PDE12: variants seen among roughly 807,000 people sequenced by gnomAD.
PDE12 encodes phosphodiesterase 12.
PDE12 carries 26 observed loss-of-function variants against 45.4 expected under a neutral mutation model. The observed-to-expected ratio is 0.57, with a 90% CI of 0.42 to 0.79. The LOEUF (loss-of-function observed/expected upper bound fraction) is 0.79. Among genes scored for constraint, PDE12 ranks in the 30% least tolerant of loss-of-function variants. The pLI is 0.00. For missense variants in PDE12, 668 were observed against 790.0 expected (o/e 0.85, Z 1.85); for synonymous variants, 283 against 323.9 (o/e 0.87, Z 1.36).
chr3:57,581,884 G>T, the PDE12 span, among the ~76,000 whole-genome samples: 1 of 152,180 alleles, frequency 6.6e-6, no homozygotes, highest in Non-Finnish European at 1.5e-5. Flanking sequence ...AACTGAAGCT[G>T]CATAATACAT....
chr3:57,635,316 G>C, the PDE12 span, among the ~76,000 whole-genome samples: 2 of 152,132 alleles, frequency 1.3e-5, no homozygotes, highest in Admixed American at 6.6e-5. Context: ...CCACAGGTCT[G>C]AGCCACAGAT....
At chr3:57,569,089 C>G (rs1010635137), downstream of PDE12, among the ~76,000 whole-genome samples, 3 of 152,090 alleles carry the variant, frequency 2.0e-5, no homozygotes, top group African/African-American at 7.2e-5. Context: ...GCTTGACCAA[C>G]AGTAGGTTTA....
chr3:57,604,620 G>GT, the PDE12 span, among the ~76,000 whole-genome samples: 2 of 37,098 alleles, frequency 5.4e-5, no homozygotes, highest in Non-Finnish European at 1.3e-4. Context: ...TTTTTTTTGG[G>GT]GGGGGTGGGT....
In PDE12 at chr3:57,565,822, T is replaced by C. The variant is rs1034026357; in HGVS notation, c.*5818T>C. 1 of 152,004 alleles carries C rather than the reference T, an allele frequency of 6.6e-6. No individual in the cohort carries two copies. Among genetic ancestry groups the C allele is most frequent in the Non-Finnish European group, 1.5e-5 (1 of 67,992 alleles). The allele number at this position is 152,004 out of a possible 1,614,324, so 9.4% of individuals were successfully genotyped here. ...GTCTCAAAAATAAAATAAAATAAAATTTTAAAAAAAGGATTTATTGCATAT... is the reference window on the plus strand; with the variant it reads ...GTCTCAAAAATAAAATAAAATAAAACTTTAAAAAAAGGATTTATTGCATAT... On this transcript the variant is annotated 3_prime_UTR_variant, in exon 3 of 3. Transcript: ENST00000311180.
downstream of PDE12, among the ~76,000 whole-genome samples, chr3:57,569,075 T>C (rs1217699053): frequency 2.0e-5 from 3 of 152,184 alleles, no homozygotes; most frequent in Non-Finnish European, 4.4e-5. Context: ...AGAGAACTCT[T>C]ATTGCTTGAC....
At chr3:57,646,414 A>G in the PDE12 span, 1 of 1,613,818 alleles carries the variant, frequency 6.2e-7, no homozygotes, top group South Asian at 1.1e-5. Context: ...GCATCTGACT[A>G]TGAAGGAAAA....
chr3:57,557,440 G>A lies in PDE12; in HGVS notation c.1061G>A (p.Arg354His), dbSNP rs139741249. 3 of 1,614,022 alleles carry A rather than the reference G, an allele frequency of 1.9e-6. No homozygotes were observed. The highest frequency in any genetic ancestry group is 3.3e-5 in the Admixed American group (2 of 59,994). The change falls in exon 1 of 3, where the codon CGC becomes CAC. Residue 354 changes from arginine to histidine, a missense_variant. Transcript: ENST00000311180. ...GTCATCTGTTTGCAGGAGGTTGACC[G>A]CGCAGTGTTTTCTGACAGCTTGGTA... ...ADVICLQEVD[R>H]AVFSDSLVPA...
At chr3:57,630,663 G>C in the PDE12 span, 1 of 1,565,676 alleles carries the variant, frequency 6.4e-7, no homozygotes, top group South Asian at 1.2e-5. Context: ...TTTTTGTTTT[G>C]CTTTTAAATA....
the PDE12 span, among the ~76,000 whole-genome samples, chr3:57,624,271 C>T: frequency 2.0e-5 from 3 of 152,016 alleles, no homozygotes; most frequent in African/African-American, 7.2e-5. Context: ...CTGCCTCAGC[C>T]TCCCCAGTAG....
At chr3:57,570,928 T>TA (rs1427116957), downstream of PDE12, among the ~76,000 whole-genome samples, 1 of 152,174 alleles carries the variant, frequency 6.6e-6, no homozygotes, top group Non-Finnish European at 1.5e-5. Context: ...TACAGCCTTT[T>TA]ACTCTCCCTA....
At position 57,559,815 on chromosome 3, in the gene PDE12, T is replaced by A. The variant is rs773274716; in HGVS notation, c.1641T>A (p.Pro547=). ...FFKLKSACGE[P]AYTNYVGGFH... ...AGCTGAAAAGTGCTTGTGGTGAACCTGCTTACACAAATTATGTTGGTGGCT... is the reference window on the plus strand; with the variant it reads ...AGCTGAAAAGTGCTTGTGGTGAACCAGCTTACACAAATTATGTTGGTGGCT... The change falls in exon 3 of 3, where the codon CCT becomes CCA. Residue 547 remains proline, a synonymous_variant. Transcript: ENST00000311180. The A allele has an allele frequency of 3.4e-5, 55 of 1,614,102 alleles. No individual in the cohort carries two copies. The Admixed American group carries it at 8.8e-4, about 26-fold the overall frequency.
the PDE12 span, among the ~76,000 whole-genome samples, chr3:57,581,669 G>A: frequency 1.6e-4 from 25 of 152,204 alleles, no homozygotes; most frequent in South Asian, 2.9e-3. Flanking sequence ...GTGTGGTGGC[G>A]CATGCCTGAA....
the PDE12 span, chr3:57,641,805 C>T: frequency 7.1e-7 from 1 of 1,414,104 alleles, no homozygotes; most frequent in Middle Eastern, 1.9e-4. Flanking sequence ...AATGCTAAAT[C>T]AGTGAAGAAT....
At chr3:57,605,457 A>C in the PDE12 span, among the ~76,000 whole-genome samples, 1 of 152,094 alleles carries the variant, frequency 6.6e-6, no homozygotes, top group East Asian at 1.9e-4. Flanking sequence ...AAAACTCATA[A>C]CCTGTGGGAC....
At chr3:57,644,149 C>CAA in the PDE12 span, among the ~76,000 whole-genome samples, 22 of 73,304 alleles carry the variant, frequency 3.0e-4, no homozygotes, top group Admixed American at 3.2e-4. Flanking sequence ...GACTCCATCT[C>CAA]AAAAAAAAAA....
the PDE12 span, among the ~76,000 whole-genome samples, chr3:57,632,484 T>C: frequency 2.0e-5 from 3 of 152,158 alleles, no homozygotes; most frequent in Admixed American, 2.0e-4. Flanking sequence ...GCCTAGTCCA[T>C]GCTCATAAGC....
chr3:57,565,645 T>C lies in PDE12; in HGVS notation c.*5641T>C, dbSNP rs187763339. On this transcript the variant is annotated 3_prime_UTR_variant, in exon 3 of 3. Coordinates refer to ENST00000311180, the MANE Select transcript of PDE12 (RefSeq NM_177966.7). ...GGTGAAACCCTGTCTCTACTAAAAA[T>C]ACAAAAATTAGCTGGGCATGGTGGC... The C allele has an allele frequency of 6.6e-6, 1 of 151,952 alleles. No individual in the cohort carries two copies. Among genetic ancestry groups the C allele is most frequent in the Non-Finnish European group, 1.5e-5 (1 of 68,002 alleles). The allele number at this position is 151,952 out of a possible 1,614,324, so 9.4% of individuals were successfully genotyped here. A position where few individuals can be genotyped will look rare whatever the true frequency, so the allele number is the denominator to read the frequency against.
chr3:57,648,102 TA>T, the PDE12 span, among the ~76,000 whole-genome samples: 1 of 152,262 alleles, frequency 6.6e-6, no homozygotes, highest in Non-Finnish European at 1.5e-5. Context: ...ATCATATACC[TA>T]GAAAACCTTA....
the PDE12 span, among the ~76,000 whole-genome samples, chr3:57,595,592 T>C: frequency 4.6e-5 from 7 of 152,210 alleles, no homozygotes; most frequent in Non-Finnish European, 1.0e-4. Flanking sequence ...CTGTTACTCT[T>C]TATATACCTT....
Sources: gnomAD v4.1 joint callset for allele counts (sites outside exome capture counted in the v4.1 genomes callset) on GRCh38, gnomAD v4.1.1 for gene constraint, MANE v1.5 for transcripts, NCBI Gene and HGNC (gene_info 2026-07-23, HGNC 2026-07-21) for gene names.